Variants in TBCD observed in about 807,000 individuals in gnomAD.
TBCD encodes the protein tubulin-specific chaperone D.
Under a neutral mutation model 169.3 loss-of-function variants are expected in TBCD, and 105 were observed. That is an observed-to-expected ratio of 0.62 (90% CI 0.53 to 0.73). The LOEUF is 0.73. Ranked by LOEUF, TBCD falls within the 30% of genes least tolerant of loss-of-function variation. The pLI is 0.00. For missense variants in TBCD, 1,444 were observed against 1,600.1 expected (o/e 0.90, Z 1.66); for synonymous variants, 700 against 643.9 (o/e 1.09, Z -1.32).
intron 35 of TBCD, chr17:82,937,592 C>G (rs577679450): frequency 5.0e-6 from 3 of 604,454 alleles, no homozygotes; most frequent in African/African-American, 3.8e-5. Flanking sequence ...CTGCTGCCCT[C>G]GCGCTCTGCC....
rs187932156 is a variant in TBCD, at chr17:82,903,174, T to C, written c.1731-231T>C. ...CCTGGCCCTGAGAAGGAAAGGCAGCTGTGTCCCAAGAAGAACCGTGGTTAG... is the reference window on the plus strand; with the variant it reads ...CCTGGCCCTGAGAAGGAAAGGCAGCCGTGTCCCAAGAAGAACCGTGGTTAG... On this transcript the variant is annotated intron_variant, in intron 18 of 38. Transcript: ENST00000355528. The surrounding 1 kb of genome is among the most constrained non-coding windows in gnomAD (Gnocchi z 4.8). Among the ~76,000 whole-genome samples the C allele has an allele frequency of 6.6e-6, 1 of 152,240 alleles. No homozygotes were observed. The highest frequency in any genetic ancestry group is 2.4e-5 in the African/African-American group (1 of 41,550).
chr17:82,930,772 C>G lies in TBCD; in HGVS notation c.3113+129C>G. Reference sequence around the variant, plus strand: ...AGGGAGAAGCGAGACACACGCTGTACCAGTTGGTGGCTCAGCGAGGAAGAT... The same window carrying G: ...AGGGAGAAGCGAGACACACGCTGTAGCAGTTGGTGGCTCAGCGAGGAAGAT... On this transcript the variant is annotated intron_variant, in intron 33 of 38. Coordinates refer to ENST00000355528, the MANE Select transcript of TBCD (RefSeq NM_005993.5). The surrounding 1 kb of genome is among the most constrained non-coding windows in gnomAD (Gnocchi z 5.2). The G allele has an allele frequency of 7.0e-7, 1 of 1,424,268 alleles. No homozygotes were observed. Among genetic ancestry groups the G allele is most frequent in the Non-Finnish European group, 9.5e-7 (1 of 1,052,980 alleles). 88.2% of individuals were successfully genotyped at this position (1,424,268 alleles called of 1,614,324 possible).
chr17:82,885,168 C>A, intron 15 of TBCD, among the ~76,000 whole-genome samples: 1 of 151,936 alleles, frequency 6.6e-6, no homozygotes, highest in East Asian at 1.9e-4. Context: ...GTGAGGGTTT[C>A]CTGTCAGCCC....
intron 5 of TBCD, among the ~76,000 whole-genome samples, chr17:82,769,033 G>C (rs2048169431): frequency 6.6e-6 from 1 of 152,172 alleles, no homozygotes; most frequent in Non-Finnish European, 1.5e-5. Context: ...TATAAACACA[G>C]CTTATTGTAT....
rs141374083 is a variant in TBCD, at chr17:82,847,700, C to T, written c.1319-22524C>T. 7.5e-3 allele frequency among the ~76,000 whole-genome samples: 1,143 copies of T among 152,268 alleles called. 9 individuals are homozygous for T. The highest frequency in any genetic ancestry group is 0.026 in the African/African-American group (1,085 of 41,542). On this transcript the variant is annotated intron_variant, in intron 13 of 38. Transcript: ENST00000355528. ...TCACCCAGGCTGGAGTGCAGTAGTG[C>T]GATCTCCGCCTCCCGAGTTCAAGTC...
chr17:82,816,194 C>T (rs775632210), intron 13 of TBCD, among the ~76,000 whole-genome samples: 21 of 152,188 alleles, frequency 1.4e-4, no homozygotes, highest in Non-Finnish European at 2.5e-4. Context: ...CTGAGTTTCT[C>T]TGTGTCGTAG....
chr17:82,888,617 C>T (rs1051572456), intron 15 of TBCD, among the ~76,000 whole-genome samples: 4 of 152,248 alleles, frequency 2.6e-5, no homozygotes, highest in African/African-American at 7.2e-5. Flanking sequence ...GCCCAGGGGT[C>T]TGCCTTGGAG....
At chr17:82,909,713 C>T (rs1010238154) in intron 22 of TBCD, among the ~76,000 whole-genome samples, 2 of 152,112 alleles carry the variant, frequency 1.3e-5, no homozygotes, top group Admixed American at 6.5e-5. Flanking sequence ...TCACCCGGCC[C>T]GCTGTGGGAG....
In TBCD at chr17:82,835,393, T is replaced by C. The variant is rs922231097; in HGVS notation, c.1318+20459T>C. Among the ~76,000 whole-genome samples the C allele has an allele frequency of 6.6e-6, 1 of 152,026 alleles. No homozygotes were observed. The highest frequency in any genetic ancestry group is 1.5e-5 in the Non-Finnish European group (1 of 67,988). On this transcript the variant is annotated intron_variant, in intron 13 of 38. Coordinates refer to ENST00000355528, the MANE Select transcript of TBCD (RefSeq NM_005993.5). This position sits in a 1 kb window ranked among gnomAD's most constrained non-coding sequence, Gnocchi z 4.5. ...TGCTCTGATTTTGTTCTCAGCAAAC[T>C]GGTTTCTCTACTGATTTATTCATAT...
intron 12 of TBCD, 147 bp from the exon 13 acceptor site, chr17:82,814,693 A>G (rs1192631992): frequency 1.3e-6 from 1 of 754,654 alleles, no homozygotes; most frequent in African/African-American, 1.8e-5. Context: ...GATACTTTAA[A>G]AACTTAGGAA....
At chr17:82,917,014 C>CTT (rs2061085729) in intron 23 of TBCD, among the ~76,000 whole-genome samples, 4 of 40,950 alleles carry the variant, frequency 9.8e-5, no homozygotes, top group South Asian at 1.4e-3. Flanking sequence ...TTTTTTTTTT[C>CTT]TTTTCTTTTC....
At position 82,940,376 on chromosome 17, in the gene TBCD, CTGTTT is replaced by C. The variant is rs555526549; in HGVS notation, c.3479+903_3479+907del. ...AGGTGTCCTGCCTGTGGATGCTGCTCTGTTTTGAGTGCCGACTGTGAGGGCCTCCG... is the reference window on the plus strand; with the variant it reads ...AGGTGTCCTGCCTGTGGATGCTGCTCTGAGTGCCGACTGTGAGGGCCTCCG... On this transcript the variant is annotated intron_variant, in intron 37 of 38. Transcript: ENST00000355528. Among the ~76,000 whole-genome samples the C allele has an allele frequency of 6.3e-4, 96 of 152,282 alleles. No homozygotes were observed. The East Asian group carries it at 0.014, about 22-fold the overall frequency.
At chr17:82,901,461 T>G (rs1276834402) in intron 18 of TBCD, among the ~76,000 whole-genome samples, 1 of 148,180 alleles carries the variant, frequency 6.7e-6, no homozygotes, top group Non-Finnish European at 1.5e-5. Flanking sequence ...TGCTGCTGCC[T>G]GGGGAGCGGC....
rs528548597 is a variant in TBCD at position 82,864,393 on chromosome 17, C to T, written c.1319-5831C>T. 5.2e-5 allele frequency: 8 copies of T among 152,386 alleles called. No homozygotes were observed. The highest frequency in any genetic ancestry group is 2.1e-4 in the South Asian group (1 of 4,834). 9.4% of individuals were successfully genotyped at this position (152,386 alleles called of 1,614,324 possible). ...GTGCTCTCCAGGAGGTGGCCTTTCA[C>T]AGCAGGGACGTTCTGTGCTCTTATT... On this transcript the variant is annotated intron_variant, in intron 13 of 38. Coordinates refer to ENST00000355528, the MANE Select transcript of TBCD (RefSeq NM_005993.5). The surrounding 1 kb of genome is among the most constrained non-coding windows in gnomAD (Gnocchi z 6.3).
intron 36 of TBCD, among the ~76,000 whole-genome samples, 151 bp downstream of exon 36, chr17:82,938,287 C>T (rs1020188827): frequency 2.6e-5 from 4 of 152,222 alleles, no homozygotes; most frequent in Admixed American, 1.3e-4. Context: ...CACAGGCACG[C>T]GGCTGCCAAG....
At chr17:82,778,281 A>G (rs1016554015) in intron 6 of TBCD, among the ~76,000 whole-genome samples, 1 of 152,162 alleles carries the variant, frequency 6.6e-6, no homozygotes, top group African/African-American at 2.4e-5. Context: ...TGCCGCCCAC[A>G]GTATTCCGCT....
In TBCD at chr17:82,831,443, C is replaced by T; in HGVS notation, c.1318+16509C>T. Reference sequence around the variant, plus strand: ...CTCTGATCTCGGGTGAGGCCAGTGACAGGTGGGAGTCTGAGACCATAGGAG... The same window carrying T: ...CTCTGATCTCGGGTGAGGCCAGTGATAGGTGGGAGTCTGAGACCATAGGAG... On this transcript the variant is annotated intron_variant, in intron 13 of 38. Transcript: ENST00000355528. This position sits in a 1 kb window ranked among gnomAD's most constrained non-coding sequence, Gnocchi z 4.6. 1.2e-6 allele frequency: 2 copies of T among 1,614,154 alleles called. No homozygotes were observed. The highest frequency in any genetic ancestry group is 1.7e-6 in the Non-Finnish European group (2 of 1,180,022).
rs905691915 is a variant in TBCD at position 82,890,969 on chromosome 17, G to C, written c.1563+1272G>C. ...CTTGCCAGCTTCCTGGAAAGTGAGA[G>C]CCCAGGAGAAGAAGTCTCCCTGTCC... On this transcript the variant is annotated intron_variant, in intron 16 of 38. Transcript: ENST00000355528. This position sits in a 1 kb window ranked among gnomAD's most constrained non-coding sequence, Gnocchi z 5.3. Among the ~76,000 whole-genome samples, 1 of 152,256 alleles carries C rather than the reference G, an allele frequency of 6.6e-6. No individual in the cohort carries two copies. Among genetic ancestry groups the C allele is most frequent in the African/African-American group, 2.4e-5 (1 of 41,472 alleles).
intron 3 of TBCD, among the ~76,000 whole-genome samples, chr17:82,765,817 A>T (rs901063206): frequency 6.6e-6 from 1 of 152,124 alleles, no homozygotes; most frequent in Non-Finnish European, 1.5e-5. Flanking sequence ...CAATTTAGGA[A>T]GGAAATCTTT....
Sources: allele counts gnomAD v4.1 joint callset (sites outside exome capture counted in the v4.1 genomes callset), GRCh38; gene constraint gnomAD v4.1.1; non-coding constraint Gnocchi (gnomAD v3.1); transcripts MANE v1.5; gene names NCBI Gene and HGNC (gene_info 2026-07-23, HGNC 2026-07-21).